The following RP1 variants were observed in gnomAD, a reference collection of about 807,000 sequenced individuals.
RP1 encodes the protein RP1 axonemal microtubule associated.
A neutral mutation model predicts 14.8 loss-of-function variants in RP1; 16 were observed. That is an observed-to-expected ratio of 1.08 (90% confidence interval 0.73 to 1.65). The LOEUF (loss-of-function observed/expected upper bound fraction) is 1.65, where lower values mean the gene tolerates loss of function less well. Ranked by LOEUF, RP1 falls within the 40% of genes most tolerant of loss-of-function variation. RP1 has a pLI of 0.00. For missense variants in RP1, 2,631 were observed against 2,535.0 expected (o/e 1.04, Z -0.81); for synonymous variants, 876 against 883.6 (o/e 0.99, Z 0.15).
At chr8:54,583,329 C>T (rs569279812) in intron 1 of RP1, among the ~76,000 whole-genome samples, 2 of 152,154 alleles carry the variant, frequency 1.3e-5, no homozygotes, top group Non-Finnish European at 2.9e-5. Flanking sequence ...TTGAACCACC[C>T]TTGCATCCCA....
intron 18 of RP1, chr8:54,738,823 T>G: frequency 1.8e-6 from 1 of 550,262 alleles, no homozygotes; most frequent in South Asian, 3.4e-5. Context: ...CTGAAAGAGT[T>G]CCTGAGAGCT....
At chr8:54,802,913 G>T (rs1316294519) in intron 24 of RP1, among the ~76,000 whole-genome samples, 1 of 152,168 alleles carries the variant, frequency 6.6e-6, no homozygotes, top group Admixed American at 6.5e-5. Flanking sequence ...CTTTCAACTG[G>T]GATCAGGGTG....
In RP1 at chr8:54,624,654, C is replaced by T; in HGVS notation, c.788-16C>T. On this transcript the variant is annotated splice_polypyrimidine_tract_variant and intron_variant, in intron 3 of 3. Transcript: ENST00000220676. Reference sequence around the variant, plus strand: ...TATTTTGATGTGGGCACCTTTTACTCTTAAAATCTTTAAAGTAAGCACACA... The same window carrying T: ...TATTTTGATGTGGGCACCTTTTACTTTTAAAATCTTTAAAGTAAGCACACA... 6.2e-7 allele frequency: 1 copy of T among 1,613,244 alleles called. No individual in the cohort carries two copies. The highest frequency in any genetic ancestry group is 1.3e-5 in the African/African-American group (1 of 74,972).
chr8:54,581,164 C>A (rs1343147775), intron 1 of RP1, among the ~76,000 whole-genome samples: 2 of 151,672 alleles, frequency 1.3e-5, no homozygotes, highest in African/African-American at 4.8e-5. Context: ...CCTTCCCCCA[C>A]CCCACAACAG....
Position 54,625,767 on chromosome 8 carries a change from G to C in RP1, c.1885G>C (p.Ala629Pro). The change falls in exon 4 of 4, where the codon GCT becomes CCT. Residue 629 changes from alanine to proline, a missense_variant. By Grantham distance (27) the Ala-to-Pro change is conservative (BLOSUM62 -1). Coordinates refer to ENST00000220676, the MANE Select transcript of RP1 (RefSeq NM_006269.2). ...NSGTDKNISE[A>P]PASEASSTVT... ...TGGAACTGACAAAAATATTTCTGAG[G>C]CTCCAGCTTCAGAAGCATCCTCTAC... is the stretch of plus-strand genomic sequence containing the variant. 6.2e-7 allele frequency: 1 copy of C among 1,613,610 alleles called. No homozygotes were observed. Among genetic ancestry groups the C allele is most frequent in the Non-Finnish European group, 8.5e-7 (1 of 1,179,990 alleles).
chr8:54,726,582 G>A, intron 17 of RP1: 3 of 1,236,590 alleles, frequency 2.4e-6, no homozygotes, highest in Admixed American at 3.0e-5. Flanking sequence ...CATATATTAT[G>A]TTATACCACA....
rs144995245 is a variant in RP1, at chr8:54,727,456, G to A, written c.2521+980G>A. Among the ~76,000 whole-genome samples, 574 of 152,182 alleles carry A rather than the reference G, an allele frequency of 3.8e-3. 11 individuals are homozygous for A. Among genetic ancestry groups the A allele is most frequent in the Admixed American group, 0.022 (342 of 15,276 alleles). ...ATTGGTTGAAAATAGCATGCTAGCCGAAATCCCTGGGGGATAGATACTTTT... is the reference window on the plus strand; with the variant it reads ...ATTGGTTGAAAATAGCATGCTAGCCAAAATCCCTGGGGGATAGATACTTTT... On this transcript the variant is annotated intron_variant, in intron 17 of 22. Transcript: ENST00000636932.
chr8:54,766,649 A>G (rs1367876374), intron 22 of RP1, among the ~76,000 whole-genome samples: 1 of 152,154 alleles, frequency 6.6e-6, no homozygotes, highest in Non-Finnish European at 1.5e-5. Flanking sequence ...TAAAATCTGT[A>G]CTACTCCTTA....
chr8:54,614,785 G>A (rs1805676676), upstream of RP1, among the ~76,000 whole-genome samples: 1 of 152,110 alleles, frequency 6.6e-6, no homozygotes, highest in Non-Finnish European at 1.5e-5. Flanking sequence ...TGATGCTGAT[G>A]CTTCTGGCCC....
exon 23 of RP1, chr8:54,769,943 C>A: frequency 3.4e-6 from 2 of 590,740 alleles, no homozygotes; most frequent in East Asian, 2.9e-5. Flanking sequence ...GTATTCCTCA[C>A]AGTGAAATAA....
Position 54,663,689 on chromosome 8 carries a change from A to T in RP1, c.1172-10A>T, listed in dbSNP as rs183814514. 9.3e-6 allele frequency: 14 copies of T among 1,506,270 alleles called. No homozygotes were observed. In the Admixed American group the frequency reaches 2.8e-4, roughly 30 times the overall value. 93.3% of individuals were successfully genotyped at this position (1,506,270 alleles called of 1,614,324 possible). ...CTTGGCACTGAAAGTTTTTTTTCTT[A>T]TGTTGTCAGTGACAATATATGAAGT... is the stretch of plus-strand genomic sequence containing the variant. On this transcript the variant is annotated splice_polypyrimidine_tract_variant and intron_variant, in intron 6 of 22. Coordinates refer to the RP1 transcript ENST00000636932.
rs1805982197 is a variant in RP1 at position 54,624,820 on chromosome 8, A to G, written c.938A>G (p.Tyr313Cys). 1 of 1,613,924 alleles carries G rather than the reference A, an allele frequency of 6.2e-7. No homozygotes were observed. The highest frequency in any genetic ancestry group is 8.5e-7 in the Non-Finnish European group (1 of 1,179,912). Residue 313 changes from tyrosine to cysteine, a missense_variant, in exon 4 of 4, where the codon TAT becomes TGT. Transcript: ENST00000220676. Reference protein sequence around the residue: ...EKNDSQNLPIYPSEDDIEKSI... With the variant: ...EKNDSQNLPICPSEDDIEKSI... ...AATGATTCTCAGAATTTACCAATAT[A>G]TCCTTCTGAAGATGATATTGAGAAA... is the stretch of plus-strand genomic sequence containing the variant.
intron 17 of RP1, among the ~76,000 whole-genome samples, chr8:54,727,312 G>A (rs191449446): frequency 1.3e-5 from 2 of 152,152 alleles, no homozygotes; most frequent in African/African-American, 4.8e-5. Context: ...GGAGCAGTGT[G>A]AAGAATCACA....
At chr8:54,724,477 A>G (rs1210480270) in intron 16 of RP1, among the ~76,000 whole-genome samples, 1 of 152,192 alleles carries the variant, frequency 6.6e-6, no homozygotes, top group East Asian at 1.9e-4. Flanking sequence ...CCAGCTGTAT[A>G]TGTAACATAC....
intron 15 of RP1, among the ~76,000 whole-genome samples, chr8:54,719,003 A>T (rs996423974): frequency 5.3e-5 from 8 of 152,154 alleles, no homozygotes; most frequent in Non-Finnish European, 1.2e-4. Flanking sequence ...ATCATTTAGG[A>T]GGTTTGGGAA....
Position 54,624,929 on chromosome 8 carries a change from G to A in RP1, c.1047G>A (p.Trp349Ter), listed in dbSNP as rs1805986090. ...FRIKEEETIK[W>*]TTTVSKTGPS... ...TAAAAGAGGAAGAAACCATAAAATGGACAACTACTGTCAGTAAAACTGGTC... is the reference window on the plus strand; with the variant it reads ...TAAAAGAGGAAGAAACCATAAAATGAACAACTACTGTCAGTAAAACTGGTC... The change falls in exon 4 of 4, where the codon TGG becomes TGA. Residue 349 changes from tryptophan to a stop codon, truncating the protein, a stop_gained. Coordinates refer to ENST00000220676, the MANE Select transcript of RP1 (RefSeq NM_006269.2). LOFTEE classifies it low-confidence loss of function (END_TRUNC). 3 of 1,614,068 alleles carry A rather than the reference G, an allele frequency of 1.9e-6. No individual in the cohort carries two copies. The East Asian group carries it at 6.7e-5, about 36-fold the overall frequency.
intron 15 of RP1, among the ~76,000 whole-genome samples, chr8:54,711,406 C>T (rs961341569): frequency 3.3e-5 from 5 of 152,190 alleles, no homozygotes; most frequent in African/African-American, 2.4e-5. Context: ...AAATTTTACA[C>T]AGCCTGTCCA....
At chr8:54,594,631 G>C (rs893566968) in intron 1 of RP1, among the ~76,000 whole-genome samples, 19 of 152,158 alleles carry the variant, frequency 1.2e-4, no homozygotes, top group African/African-American at 4.6e-4. Context: ...ACTTAAATTT[G>C]AAGCTCTGAT....
chr8:54,778,796 G>A (rs1810108719), intron 23 of RP1, among the ~76,000 whole-genome samples: 1 of 152,164 alleles, frequency 6.6e-6, no homozygotes, highest in Admixed American at 6.5e-5. Context: ...CTGTGTGAGA[G>A]GGAGGCTGTA....
Sources: gnomAD v4.1 joint callset for allele counts (sites outside exome capture counted in the v4.1 genomes callset) on GRCh38, gnomAD v4.1.1 for gene constraint, MANE v1.5 for transcripts, NCBI Gene and HGNC (gene_info 2026-07-23, HGNC 2026-07-21) for gene names.